Variants in LMX1B observed in about 807,000 individuals in gnomAD.
LMX1B encodes LIM homeobox transcription factor 1 beta.
A neutral mutation model predicts 51.4 loss-of-function variants in LMX1B; 12 were observed. That is an observed-to-expected ratio of 0.23 (90% CI 0.15 to 0.38). The LOEUF (loss-of-function observed/expected upper bound fraction) is 0.38, where lower values mean the gene tolerates loss of function less well. LMX1B is among the 10% of genes least tolerant of loss of function. The pLI is 1.00. For synonymous variants in LMX1B, 237 were observed against 235.4 expected (o/e 1.01, Z -0.06); for missense variants, 445 against 571.1 (o/e 0.78, Z 2.25).
Position 126,699,547 on chromosome 9 carries a change from C to G in LMX1B, c.*3096C>G. 6.6e-6 allele frequency: 1 copy of G among 152,444 alleles called. No individual in the cohort carries two copies. The allele number at this position is 152,444 out of a possible 1,614,324, so 9.4% of individuals were successfully genotyped here. On this transcript the variant is annotated 3_prime_UTR_variant, in exon 8 of 8. Transcript: ENST00000373474. ...CAGCCGTGGCTAGGGGCCCCTTGCT[C>G]TATGCTGTGCCTTGCTGCCCACAGG... is the stretch of plus-strand genomic sequence containing the variant.
chr9:126,621,809 C>A (rs1036782230), intron 2 of LMX1B, among the ~76,000 whole-genome samples: 1 of 151,990 alleles, frequency 6.6e-6, no homozygotes, highest in Non-Finnish European at 1.5e-5. Flanking sequence ...GAAGGTGTAA[C>A]TGACGGGGCA....
Position 126,695,721 on chromosome 9 carries a change from A to G in LMX1B, c.887-118A>G. ...GGGGCTGGGGAGTCAGTGTCTGGAC[A>G]GCTTCAGCCAGAGTGGGGTGCCTGG... On this transcript the variant is annotated intron_variant, in intron 6 of 7. Transcript: ENST00000373474. This position sits in a 1 kb window ranked among gnomAD's most constrained non-coding sequence, Gnocchi z 5.2. 8.8e-7 allele frequency: 1 copy of G among 1,137,544 alleles called. No individual in the cohort carries two copies. The highest frequency in any genetic ancestry group is 1.3e-6 in the Non-Finnish European group (1 of 777,022). The allele number at this position is 1,137,544 out of a possible 1,614,324, so 70.5% of individuals were successfully genotyped here.
intron 2 of LMX1B, among the ~76,000 whole-genome samples, chr9:126,634,703 T>C (rs994603525): frequency 2.0e-5 from 3 of 152,204 alleles, no homozygotes; most frequent in African/African-American, 4.8e-5. Context: ...CTATTCCTAC[T>C]GTCCAGGTTG....
At chr9:126,659,308 G>C (rs1405272952) in intron 2 of LMX1B, among the ~76,000 whole-genome samples, 1 of 152,242 alleles carries the variant, frequency 6.6e-6, no homozygotes, top group Non-Finnish European at 1.5e-5. Flanking sequence ...GGGCACTGCT[G>C]ACCCTCTCCC....
chr9:126,649,746 C>T (rs1012032380), intron 2 of LMX1B, among the ~76,000 whole-genome samples: 1 of 152,220 alleles, frequency 6.6e-6, no homozygotes, highest in African/African-American at 2.4e-5. Flanking sequence ...CCCATCTCAG[C>T]CTCCCAAGTA....
chr9:126,671,807 G>GC lies in LMX1B; in HGVS notation c.327-19023dup, dbSNP rs1307683111. Reference sequence around the variant, plus strand: ...CAGCTCCCTCCAGGCCAGGGCAGCGGCCCCCCACAGCCCAGGCCCCCAGCG... The same window carrying GC: ...CAGCTCCCTCCAGGCCAGGGCAGCGGCCCCCCCACAGCCCAGGCCCCCAGCG... On this transcript the variant is annotated intron_variant, in intron 2 of 7. Coordinates refer to ENST00000373474, the MANE Select transcript of LMX1B (RefSeq NM_001174147.2). The surrounding 1 kb of genome is among the most constrained non-coding windows in gnomAD (Gnocchi z 4.4). 6.6e-6 allele frequency among the ~76,000 whole-genome samples: 1 copy of GC among 152,112 alleles called. No homozygotes were observed. The highest frequency in any genetic ancestry group is 1.5e-5 in the Non-Finnish European group (1 of 68,016).
At chr9:126,680,187 G>T (rs985618963) in intron 2 of LMX1B, among the ~76,000 whole-genome samples, 4 of 152,212 alleles carry the variant, frequency 2.6e-5, no homozygotes, top group Admixed American at 2.6e-4. Flanking sequence ...CAGCAGCTCC[G>T]TGCTGATGAA....
In LMX1B at chr9:126,695,878, A is replaced by G. The variant is rs1310583425; in HGVS notation, c.926A>G (p.Tyr309Cys). The change falls in exon 7 of 8, where the codon TAC (tyrosine) becomes TGC (cysteine). Residue 309 changes from tyrosine to cysteine, a missense_variant. By Grantham distance (194) the Tyr-to-Cys change is radical (BLOSUM62 -2). Transcript: ENST00000373474. The surrounding 1 kb of genome is among the most constrained non-coding windows in gnomAD (Gnocchi z 5.2). Reference sequence around the variant, plus strand: ...CGCATGGAGGGCATGATGGCTTCCTACACGCCGCTGGCCCCACCACAGCAG... The same window carrying G: ...CGCATGGAGGGCATGATGGCTTCCTGCACGCCGCTGGCCCCACCACAGCAG... ...SSRMEGMMAS[Y>C]TPLAPPQQQI... The G allele has an allele frequency of 9.3e-6, 15 of 1,613,240 alleles. No individual in the cohort carries two copies. Among genetic ancestry groups the G allele is most frequent in the Non-Finnish European group, 1.3e-5 (15 of 1,179,774 alleles).
chr9:126,691,416 G>A (rs926697862), intron 3 of LMX1B, among the ~76,000 whole-genome samples: 1 of 152,072 alleles, frequency 6.6e-6, no homozygotes, highest in African/African-American at 2.4e-5. Context: ...TCACATACCC[G>A]GGAATTCAAA....
intron 2 of LMX1B, among the ~76,000 whole-genome samples, chr9:126,679,407 A>G (rs1836631050): frequency 6.7e-6 from 1 of 149,278 alleles, no homozygotes; most frequent in East Asian, 2.0e-4. Context: ...TGGAGGGGGG[A>G]TGGGTAATAT....
At chr9:126,627,265 T>G (rs1835552266) in intron 2 of LMX1B, among the ~76,000 whole-genome samples, 1 of 151,792 alleles carries the variant, frequency 6.6e-6, no homozygotes, top group South Asian at 2.1e-4. Flanking sequence ...ATAGTGCCCC[T>G]CCCCCAGGGA....
intron 2 of LMX1B, among the ~76,000 whole-genome samples, chr9:126,660,820 C>T (rs1165099567): frequency 6.6e-6 from 1 of 152,202 alleles, no homozygotes; most frequent in Non-Finnish European, 1.5e-5. Flanking sequence ...CCAACCAAGC[C>T]AGTTGAAGTC....
chr9:126,613,957 G>T lies in LMX1B; in HGVS notation c.-493G>T, dbSNP rs982465599. Among the ~76,000 whole-genome samples the T allele has an allele frequency of 4.1e-5, 6 of 146,340 alleles. No homozygotes were observed. The highest frequency in any genetic ancestry group is 2.0e-4 in the East Asian group (1 of 5,012). On this transcript the variant is annotated 5_prime_UTR_variant, in exon 1 of 8. Coordinates refer to ENST00000373474, the MANE Select transcript of LMX1B (RefSeq NM_001174147.2). This position sits in a 1 kb window ranked among gnomAD's most constrained non-coding sequence, Gnocchi z 4.5. ...CCAGCTCTAAACCCGGCGGCTCAGC[G>T]GGCGCACCATGGCACTGGAGTAGCG...
At chr9:126,694,429 G>T (rs1467647264) in intron 6 of LMX1B, among the ~76,000 whole-genome samples, 1 of 152,204 alleles carries the variant, frequency 6.6e-6, no homozygotes, top group Non-Finnish European at 1.5e-5. Context: ...GGGCGTGAAG[G>T]GCCTGGGGAG....
At chr9:126,637,939 AG>A (rs1564151180) in intron 2 of LMX1B, among the ~76,000 whole-genome samples, 2 of 150,476 alleles carry the variant, frequency 1.3e-5, no homozygotes, top group Non-Finnish European at 1.5e-5. Context: ...ATGGACACCC[AG>A]GGCCCCCTCC....
At chr9:126,632,584 CAACATG>C (rs1378433038) in intron 2 of LMX1B, among the ~76,000 whole-genome samples, 1 of 152,196 alleles carries the variant, frequency 6.6e-6, no homozygotes, top group African/African-American at 2.4e-5. Flanking sequence ...CTGATGCTGG[CAACATG>C]TGCCTGGGAT....
In LMX1B at chr9:126,625,683, C is replaced by A. The variant is rs985817353; in HGVS notation, c.326+10114C>A. On this transcript the variant is annotated intron_variant, in intron 2 of 7. Coordinates refer to ENST00000373474, the MANE Select transcript of LMX1B (RefSeq NM_001174147.2). This position sits in a 1 kb window ranked among gnomAD's most constrained non-coding sequence, Gnocchi z 5.3. ...CGGAAACCCTCTTCTCCGCCAGGCC[C>A]GTGGCGCCTTTCTCGCCACCTCCGC... 5.3e-5 allele frequency among the ~76,000 whole-genome samples: 8 copies of A among 152,222 alleles called. No homozygotes were observed. Among genetic ancestry groups the A allele is most frequent in the Non-Finnish European group, 7.3e-5 (5 of 68,040 alleles).
intron 2 of LMX1B, among the ~76,000 whole-genome samples, chr9:126,688,172 A>G (rs187355949): frequency 1.3e-5 from 2 of 152,348 alleles, no homozygotes; most frequent in African/African-American, 4.8e-5. Context: ...TAATGGCGGC[A>G]CTGAGCCTTT....
rs565697157 is a variant in LMX1B at position 126,629,102 on chromosome 9, T to G, written c.326+13533T>G. 1.8e-3 allele frequency among the ~76,000 whole-genome samples: 273 copies of G among 152,276 alleles called. 4 individuals are homozygous for G. Among genetic ancestry groups the G allele is most frequent in the Non-Finnish European group, 2.9e-3 (200 of 68,022 alleles). ...GGTTCTAGTAAAGCCAGTCCTGCTT[T>G]GACAAGCCCAGCAGGCTGGGTGCTT... On this transcript the variant is annotated intron_variant, in intron 2 of 7. Transcript: ENST00000373474.
Sources: allele counts gnomAD v4.1 joint callset (sites outside exome capture counted in the v4.1 genomes callset), GRCh38; gene constraint gnomAD v4.1.1; non-coding constraint Gnocchi (gnomAD v3.1); transcripts MANE v1.5; gene names NCBI Gene and HGNC (gene_info 2026-07-23, HGNC 2026-07-21).